FAM186A: variants seen among roughly 807,000 people sequenced by gnomAD.
FAM186A encodes family with sequence similarity 186 member A.
A neutral mutation model predicts 216.8 loss-of-function variants in FAM186A; 163 were observed. The ratio of observed to expected loss-of-function variants is 0.75; its 90% confidence interval spans 0.66 to 0.86. The LOEUF (loss-of-function observed/expected upper bound fraction) is 0.86, where lower values mean the gene tolerates loss of function less well. Among genes scored for constraint, FAM186A ranks in the 40% least tolerant of loss-of-function variants. The pLI is 0.00. For synonymous variants in FAM186A, 805 were observed against 1,025.3 expected (o/e 0.79, Z 4.10); for missense variants, 2,184 against 2,746.2 (o/e 0.80, Z 4.58).
rs375578867 is a variant in FAM186A at position 50,332,920 on chromosome 12, C to T, written c.6696+991G>A. On this transcript the variant is annotated intron_variant, in intron 5 of 7. Transcript: ENST00000327337. ...GCAGGCACCTGTAATCCCAACTACT[C>T]GGGAGGGTGAGGCAGGAGAATCACT... is the stretch of plus-strand genomic sequence containing the variant. Among the ~76,000 whole-genome samples, 27 of 151,752 alleles carry T rather than the reference C, an allele frequency of 1.8e-4. No individual in the cohort carries two copies. In the East Asian group the frequency reaches 3.5e-3, roughly 20 times the overall value.
chr12:50,334,171 G>T, intron 4 of FAM186A, 68 bp from the exon 5 acceptor site: 11 of 1,273,432 alleles, frequency 8.6e-6, no homozygotes, highest in Admixed American at 3.2e-5. Flanking sequence ...CTTGTCCTCA[G>T]TTTCTTTTTT....
chr12:50,367,292 G>A (rs993802987), intron 1 of FAM186A, among the ~76,000 whole-genome samples: 3 of 151,990 alleles, frequency 2.0e-5, no homozygotes, highest in African/African-American at 7.2e-5. Context: ...GCCGAGGCAG[G>A]CGGATCATGA....
intron 1 of FAM186A, among the ~76,000 whole-genome samples, chr12:50,378,606 C>T (rs1261403107): frequency 1.4e-4 from 1 of 7,194 alleles, no homozygotes; most frequent in Non-Finnish European, 7.1e-4. Context: ...TATATATACA[C>T]ATATGTAAAT....
chr12:50,340,714 A>C (rs1031048814), intron 4 of FAM186A, among the ~76,000 whole-genome samples: 3 of 151,952 alleles, frequency 2.0e-5, no homozygotes, highest in Admixed American at 2.0e-4. Flanking sequence ...AAGTGATGCT[A>C]TCTAGAGAGC....
At chr12:50,331,629 C>T (rs868439359) in intron 6 of FAM186A, 41 bp downstream of exon 6, 2 of 1,514,672 alleles carry the variant, frequency 1.3e-6, no homozygotes, top group Middle Eastern at 1.7e-4. Flanking sequence ...TTAGGTCCCA[C>T]ATATCGTCCA....
chr12:50,387,898 C>A (rs905265490), intron 1 of FAM186A, among the ~76,000 whole-genome samples: 6 of 152,120 alleles, frequency 3.9e-5, no homozygotes, highest in African/African-American at 1.4e-4. Context: ...AAAAGAAAAG[C>A]CTTACCAAGG....
chr12:50,359,257 G>GC (rs1943008667), intron 3 of FAM186A, among the ~76,000 whole-genome samples: 2 of 152,004 alleles, frequency 1.3e-5, no homozygotes, highest in Non-Finnish European at 2.9e-5. Flanking sequence ...AATTAGCAGG[G>GC]CGTGGTGACA....
intron 4 of FAM186A, among the ~76,000 whole-genome samples, chr12:50,346,386 C>T (rs1429308247): frequency 1.3e-5 from 2 of 151,966 alleles, no homozygotes; most frequent in Non-Finnish European, 2.9e-5. Context: ...CACACACCAC[C>T]ATGCCCAGCT....
intron 2 of FAM186A, among the ~76,000 whole-genome samples, chr12:50,362,451 TAAAG>T (rs1219593610): frequency 6.6e-6 from 1 of 151,570 alleles, no homozygotes; most frequent in Non-Finnish European, 1.5e-5. Context: ...TAGACAAAAA[TAAAG>T]AAAGGTAGGC....
At chr12:50,386,936 TCA>T (rs1943310115) in intron 1 of FAM186A, among the ~76,000 whole-genome samples, 1 of 151,998 alleles carries the variant, frequency 6.6e-6, no homozygotes, top group African/African-American at 2.4e-5. Flanking sequence ...GAAAAAACTT[TCA>T]GTTTTTTTTT....
intron 2 of FAM186A, among the ~76,000 whole-genome samples, chr12:50,361,966 GTTGTTGTTGTTT>G (rs1943040090): frequency 6.6e-6 from 1 of 151,418 alleles, no homozygotes; most frequent in Non-Finnish European, 1.5e-5. Context: ...TCTTTTTGTT[GTTGTTGTTGTTT>G]TTGTTGTTGT....
intron 1 of FAM186A, among the ~76,000 whole-genome samples, chr12:50,383,787 T>C (rs1291100491): frequency 1.3e-5 from 2 of 151,878 alleles, no homozygotes; most frequent in Non-Finnish European, 2.9e-5. Flanking sequence ...ACTATGTAAC[T>C]GCCCAGAGCA....
chr12:50,385,892 ACT>A (rs1943298832), intron 1 of FAM186A, among the ~76,000 whole-genome samples: 1 of 150,288 alleles, frequency 6.7e-6, no homozygotes, highest in Non-Finnish European at 1.5e-5. Flanking sequence ...ACAGAGCGAG[ACT>A]CCATCTCAAA....
chr12:50,383,270 AAAAAAAAAAG>A (rs1943270201), intron 1 of FAM186A, among the ~76,000 whole-genome samples: 1 of 100,914 alleles, frequency 9.9e-6, no homozygotes, highest in Non-Finnish European at 2.4e-5. Flanking sequence ...AAAAAAAAAA[AAAAAAAAAAG>A]AGAGAGAGAG....
intron 3 of FAM186A, among the ~76,000 whole-genome samples, chr12:50,360,363 T>C (rs1463851274): frequency 6.6e-6 from 1 of 151,600 alleles, no homozygotes; most frequent in African/African-American, 2.4e-5. Flanking sequence ...ACACTTAACA[T>C]GTATGCACAT....
At chr12:50,373,745 A>G (rs1355432531) in intron 1 of FAM186A, among the ~76,000 whole-genome samples, 2 of 152,208 alleles carry the variant, frequency 1.3e-5, no homozygotes, top group Non-Finnish European at 2.9e-5. Flanking sequence ...CAGTGTGGCC[A>G]TTCCTCAGGG....
chr12:50,370,922 C>T (rs1457933358), intron 1 of FAM186A, among the ~76,000 whole-genome samples: 2 of 151,602 alleles, frequency 1.3e-5, no homozygotes, highest in African/African-American at 4.8e-5. Flanking sequence ...CACGATGAAA[C>T]CTCACGTTGC....
intron 1 of FAM186A, among the ~76,000 whole-genome samples, chr12:50,384,080 T>A (rs1460665078): frequency 1.3e-5 from 2 of 151,844 alleles, no homozygotes; most frequent in African/African-American, 2.4e-5. Flanking sequence ...ATCATACCAC[T>A]GCACTCCAAC....
At chr12:50,339,242 C>A (rs916732742) in intron 4 of FAM186A, among the ~76,000 whole-genome samples, 4 of 152,142 alleles carry the variant, frequency 2.6e-5, no homozygotes, top group Non-Finnish European at 5.9e-5. Flanking sequence ...GTCTTGAACT[C>A]CTAGGCTCAA....
Sources: allele counts gnomAD v4.1 joint callset (sites outside exome capture counted in the v4.1 genomes callset), GRCh38; gene constraint gnomAD v4.1.1; transcripts MANE v1.5; gene names NCBI Gene and HGNC (gene_info 2026-07-23, HGNC 2026-07-21).